Variants in MED24 observed in about 807,000 individuals in gnomAD.
MED24 encodes the protein mediator complex subunit 24.
Under a neutral mutation model 118.8 loss-of-function variants are expected in MED24, and 74 were observed. That is an observed-to-expected ratio of 0.62 (90% CI 0.52 to 0.76). MED24 has a LOEUF of 0.76. Ranked by LOEUF, MED24 falls within the 30% of genes least tolerant of loss-of-function variation. MED24 has a pLI of 0.00. For synonymous variants in MED24, 521 were observed against 523.9 expected, an observed-to-expected ratio of 0.99 and a Z score of 0.08; for missense variants, 1,041 against 1,278.9, an observed-to-expected ratio of 0.81 and a Z score of 2.84.
Position 40,020,336 on chromosome 17 carries a change from T to G in MED24, c.2641A>C (p.Ser881Arg). 1 of 1,598,158 alleles carries G rather than the reference T, an allele frequency of 6.3e-7. No homozygotes were observed. Among genetic ancestry groups the G allele is most frequent in the Non-Finnish European group, 8.5e-7 (1 of 1,172,402 alleles). The change falls in exon 24 of 26, where the codon AGC becomes CGC. Residue 881 changes from serine to arginine, a missense_variant. Ser to Arg is a moderately radical substitution (Grantham distance 110). Coordinates refer to ENST00000394128, the MANE Select transcript of MED24 (RefSeq NM_014815.4). Reference sequence around the variant, plus strand: ...TGGAGCTGAGAGGCTGAGAGGGAGCTGCTCATGGATCGGTCTGCTGTGGGA... The same window carrying G: ...TGGAGCTGAGAGGCTGAGAGGGAGCGGCTCATGGATCGGTCTGCTGTGGGA... ...LSSPTDRSMS[S>R]SLSASQLHTV...
At position 40,031,554 on chromosome 17, in the gene MED24, C is replaced by G; in HGVS notation, c.1051G>C (p.Ala351Pro). The change falls in exon 11 of 26, where the codon GCT becomes CCT. Residue 351 changes from alanine (A) to proline (P), a missense_variant. Physicochemically the swap from Ala to Pro is conservative, Grantham distance 27. Around this residue, in one of 3 missense-constraint regions of MED24, gnomAD observed 434 missense variants for 514.9 expected, o/e 0.84. Transcript: ENST00000394128. ...LLKLTPLLDK[A>P]DQRCNCDCTN... ...AGCTCATACTTGCAGCGCTGGTCAG[C>G]TTTGTCCAACAAGGGGGTGAGCTTC... The G allele has an allele frequency of 1.2e-6, 2 of 1,614,128 alleles. No homozygotes were observed. Among genetic ancestry groups the G allele is most frequent in the Non-Finnish European group, 1.7e-6 (2 of 1,179,964 alleles).
intron 15 of MED24, 190 bp from the exon 16 acceptor site, chr17:40,027,655 A>T (rs1046718370): frequency 5.8e-5 from 39 of 671,908 alleles, no homozygotes; most frequent in South Asian, 2.8e-4. Flanking sequence ...AAAGACCCCC[A>T]GCACCCTCTC....
chr17:40,031,345 G>T, intron 11 of MED24, 100 bp from the exon 12 acceptor site: 1 of 1,326,270 alleles, frequency 7.5e-7, no homozygotes, highest in Non-Finnish European at 1.1e-6. Flanking sequence ...CTTTCAGGAT[G>T]AGGAAAATCT....
In MED24 at chr17:40,023,220, T is replaced by C. The variant is rs1982248541; in HGVS notation, c.2161A>G (p.Lys721Glu). The change falls in exon 20 of 26, where the codon AAG becomes GAG. Residue 721 changes from lysine to glutamate, a missense_variant. Around this residue, in one of 3 missense-constraint regions of MED24, gnomAD observed 587 missense variants for 694.4 expected, o/e 0.85. Transcript: ENST00000394128. ...ATGGAGCGGCTGTCCACCCAGCCCTTCTCCAGCACCTTGGCAAAAATGTCC... is the reference window on the plus strand; with the variant it reads ...ATGGAGCGGCTGTCCACCCAGCCCTCCTCCAGCACCTTGGCAAAAATGTCC... ...LTDIFAKVLE[K>E]GWVDSRSIHI... 2 of 1,614,066 alleles carry C rather than the reference T, an allele frequency of 1.2e-6. No individual in the cohort carries two copies. The highest frequency in any genetic ancestry group is 8.5e-7 in the Non-Finnish European group (1 of 1,179,994).
Position 40,026,839 on chromosome 17 carries a change from G to GCC in MED24, c.1709+16_1709+17insGG. 1 of 1,610,590 alleles carries GCC rather than the reference G, an allele frequency of 6.2e-7. No homozygotes were observed. Among genetic ancestry groups the GCC allele is most frequent in the South Asian group, 1.1e-5 (1 of 90,974 alleles). The stretch of plus-strand genomic sequence containing the variant: ...GCCCCCACCGCCACCCTTGGAGTGG[G>GCC]CGCCCGGGCCACTGACACTAGCTTC... On this transcript the variant is annotated intron_variant, in intron 17 of 25. Transcript: ENST00000394128.
intron 3 of MED24, among the ~76,000 whole-genome samples, chr17:40,050,767 TAC>T (rs1450883714): frequency 6.6e-6 from 1 of 152,132 alleles, no homozygotes; most frequent in Non-Finnish European, 1.5e-5. Flanking sequence ...ACGTATTGGG[TAC>T]AGTGTTCACT....
At chr17:40,028,799 T>G (rs1327156143) in intron 14 of MED24, 27 bp downstream of exon 14, 1 of 1,612,250 alleles carries the variant, frequency 6.2e-7, no homozygotes, top group Non-Finnish European at 8.5e-7. Flanking sequence ...CTGCACGCCC[T>G]GGGGTCAGGG....
intron 18 of MED24, 143 bp downstream of exon 18, chr17:40,026,504 T>C: frequency 2.6e-6 from 3 of 1,142,080 alleles, no homozygotes; most frequent in Non-Finnish European, 3.8e-6. Flanking sequence ...AGGGAGTAGC[T>C]AAGACAACGA....
intron 3 of MED24, among the ~76,000 whole-genome samples, chr17:40,037,862 G>C (rs1178260260): frequency 6.6e-6 from 1 of 150,730 alleles, no homozygotes; most frequent in East Asian, 2.0e-4. Flanking sequence ...AGTGAGCCGA[G>C]ATTGCGCCAC....
intron 3 of MED24, 141 bp downstream of exon 3, chr17:40,053,157 A>G (rs1986023702): frequency 6.4e-6 from 5 of 782,532 alleles, no homozygotes; most frequent in Non-Finnish European, 1.0e-5. Flanking sequence ...CTGGTCTTGA[A>G]CTCCTGGGCT....
rs754281587 is a variant in MED24 at position 40,019,660 on chromosome 17, C to G, written c.2854-15G>C. 6 of 1,586,036 alleles carry G rather than the reference C, an allele frequency of 3.8e-6. 1 individual carries two copies. The South Asian group carries it at 6.8e-5, about 18-fold the overall frequency. On this transcript the variant is annotated splice_polypyrimidine_tract_variant and intron_variant, in intron 25 of 25. Coordinates refer to ENST00000394128, the MANE Select transcript of MED24 (RefSeq NM_014815.4). ...AGTTCCGACACCTGCCACGGACAGA[C>G]AGATGCTGCTTGCGGGACGGCTGGT...
intron 3 of MED24, among the ~76,000 whole-genome samples, chr17:40,051,367 G>C (rs549251849): frequency 6.6e-6 from 1 of 152,178 alleles, no homozygotes; most frequent in East Asian, 1.9e-4. Flanking sequence ...TGTAAACCCA[G>C]CACTTTGGGA....
intron 19 of MED24, chr17:40,023,741 A>C: frequency 2.2e-4 from 49 of 227,654 alleles, no homozygotes; most frequent in East Asian, 3.7e-4. Flanking sequence ...AATAAACACA[A>C]TCACTTCCCC....
In MED24 at chr17:40,019,444, A is replaced by G. The variant is rs1981667462; in HGVS notation, c.*85T>C. ...CCATGTGGAGCGGATGTGAGGCACG[A>G]TGCCTCATCTTTCCTCACTGCTTCC... On this transcript the variant is annotated 3_prime_UTR_variant, in exon 26 of 26. Transcript: ENST00000394128. 8.8e-7 allele frequency: 1 copy of G among 1,130,524 alleles called. No individual in the cohort carries two copies. The highest frequency in any genetic ancestry group is 1.3e-6 in the Non-Finnish European group (1 of 765,312). The allele number at this position is 1,130,524 out of a possible 1,614,324, so 70.0% of individuals were successfully genotyped here. A position where few individuals can be genotyped will look rare whatever the true frequency, so the allele number is the denominator to read the frequency against.
chr17:40,047,765 C>T (rs1453254238), intron 3 of MED24, among the ~76,000 whole-genome samples: 4 of 151,920 alleles, frequency 2.6e-5, no homozygotes, highest in African/African-American at 4.8e-5. Context: ...AAGTTTTGCT[C>T]GTTGCCCAGG....
In MED24 at chr17:40,023,300, G is replaced by T. The variant is rs1225902739; in HGVS notation, c.2081C>A (p.Thr694Lys). The T allele has an allele frequency of 6.2e-7, 1 of 1,614,128 alleles. No homozygotes were observed. The highest frequency in any genetic ancestry group is 8.5e-7 in the Non-Finnish European group (1 of 1,180,000). Residue 694 changes from threonine to lysine, a missense_variant, in exon 20 of 26, where the codon ACA (threonine) becomes AAA (lysine). This residue lies in a region of MED24 where 587 missense variants were observed against 694.4 expected (regional missense o/e 0.85). Transcript: ENST00000394128. ...QIKFPSTGVD[T>K]MPYWNLLPPK... The stretch of plus-strand genomic sequence containing the variant: ...GGGCAGCAGGTTCCAGTAGGGCATT[G>T]TGTCCACCCCGGTGGAGGGAAACTT...
At chr17:40,044,079 G>A (rs567162642) in intron 3 of MED24, among the ~76,000 whole-genome samples, 10 of 117,498 alleles carry the variant, frequency 8.5e-5, no homozygotes, top group Non-Finnish European at 1.4e-4. Flanking sequence ...AATAAGCCGA[G>A]ATCACACAGC....
At chr17:40,034,765 T>C (rs926481268) in intron 6 of MED24, 1 of 581,930 alleles carries the variant, frequency 1.7e-6, no homozygotes, top group Non-Finnish European at 3.0e-6. Context: ...CTCTAGTTTT[T>C]TCCTCGTCTG....
At chr17:40,049,524 A>T (rs1985591817) in intron 3 of MED24, among the ~76,000 whole-genome samples, 1 of 151,914 alleles carries the variant, frequency 6.6e-6, no homozygotes. Context: ...TTTATTTTTT[A>T]ATTTTATTTA....
Sources: gnomAD v4.1 joint callset for allele counts (sites outside exome capture counted in the v4.1 genomes callset) on GRCh38, gnomAD v4.1.1 for gene constraint, gnomAD v4.1.1 regional missense constraint, MANE v1.5 for transcripts, NCBI Gene and HGNC (gene_info 2026-07-23, HGNC 2026-07-21) for gene names.